COL14A1: variants seen among roughly 807,000 people sequenced by gnomAD.
The protein encoded by COL14A1 is collagen type XIV alpha 1 chain.
Under a neutral mutation model 230.3 loss-of-function variants are expected in COL14A1, and 136 were observed. The observed-to-expected ratio is 0.59, with a 90% CI of 0.51 to 0.68. The LOEUF (loss-of-function observed/expected upper bound fraction) is 0.68. Among genes scored for constraint, COL14A1 ranks in the 30% least tolerant of loss-of-function variants. The pLI is 0.00. For missense variants in COL14A1, 1,976 were observed against 2,215.8 expected (o/e 0.89, Z 2.17); for synonymous variants, 792 against 784.1 (o/e 1.01, Z -0.17).
intron 21 of COL14A1, 52 bp downstream of exon 21, chr8:120,247,787 G>A (rs188283149): frequency 3.2e-6 from 5 of 1,585,086 alleles, no homozygotes; most frequent in Middle Eastern, 1.7e-4. Context: ...CACTTAAAAT[G>A]TCTTTTAAGA....
chr8:120,322,035 G>GTCA (rs1363700913), intron 40 of COL14A1, among the ~76,000 whole-genome samples: 1 of 151,898 alleles, frequency 6.6e-6, no homozygotes, highest in Non-Finnish European at 1.5e-5. Context: ...ATTCACTGAA[G>GTCA]TCATCACTGC....
chr8:120,317,476 G>A (rs1373599256), intron 40 of COL14A1, among the ~76,000 whole-genome samples: 2 of 152,144 alleles, frequency 1.3e-5, no homozygotes, highest in Non-Finnish European at 2.9e-5. Flanking sequence ...GTAACAGTTA[G>A]ATTTATGTAG....
At chr8:120,226,961 A>G (rs1352430581) in intron 16 of COL14A1, among the ~76,000 whole-genome samples, 195 bp downstream of exon 16, 1 of 152,164 alleles carries the variant, frequency 6.6e-6, no homozygotes, top group Non-Finnish European at 1.5e-5. Flanking sequence ...AGCTTTAGTT[A>G]TATATTTATA....
At chr8:120,363,697 G>A (rs1260975263) in intron 45 of COL14A1, among the ~76,000 whole-genome samples, 3 of 152,198 alleles carry the variant, frequency 2.0e-5, no homozygotes, top group African/African-American at 7.2e-5. Context: ...ACTGATGCTA[G>A]AGAGATAAGT....
At chr8:120,360,221 C>T (rs773705304) in intron 45 of COL14A1, among the ~76,000 whole-genome samples, 2 of 152,198 alleles carry the variant, frequency 1.3e-5, no homozygotes, top group Non-Finnish European at 2.9e-5. Flanking sequence ...AATGTATTGC[C>T]TTGTAGCACC....
At chr8:120,200,600 T>G (rs1257469131) in intron 8 of COL14A1, among the ~76,000 whole-genome samples, 1 of 150,896 alleles carries the variant, frequency 6.6e-6, no homozygotes, top group Non-Finnish European at 1.5e-5. Context: ...CCCAGTTCTG[T>G]ACCTTAAAAT....
intron 36 of COL14A1, among the ~76,000 whole-genome samples, chr8:120,303,813 T>A (rs7004345): frequency 0.02 from 3,106 of 152,236 alleles, 113 homozygotes; most frequent in African/African-American, 0.07. Flanking sequence ...AAAAGGAATG[T>A]TACCAGCTCT....
At chr8:120,282,043 C>A (rs1271221810) in intron 31 of COL14A1, among the ~76,000 whole-genome samples, 2 of 152,176 alleles carry the variant, frequency 1.3e-5, no homozygotes, top group African/African-American at 4.8e-5. Flanking sequence ...ATGTGCCATG[C>A]TGGTGCGCTG....
chr8:120,136,959 C>CAAAAAAA (rs34417716), intron 1 of COL14A1, among the ~76,000 whole-genome samples: 1 of 62,910 alleles, frequency 1.6e-5, no homozygotes, highest in African/African-American at 6.9e-5. Flanking sequence ...GAGTCTGTCT[C>CAAAAAAA]AAAAAAAAAA....
At chr8:120,355,318 C>G (rs900490375) in intron 45 of COL14A1, among the ~76,000 whole-genome samples, 5 of 152,028 alleles carry the variant, frequency 3.3e-5, no homozygotes, top group Admixed American at 6.6e-5. Flanking sequence ...TTAAACAAGT[C>G]AACAATAAGT....
intron 45 of COL14A1, among the ~76,000 whole-genome samples, chr8:120,364,830 C>T (rs1219559364): frequency 6.6e-6 from 1 of 151,226 alleles, no homozygotes; most frequent in East Asian, 1.9e-4. Context: ...TTGCAGTGAG[C>T]TGAGATTATG....
At chr8:120,253,035 G>A (rs1819025737) in intron 22 of COL14A1, among the ~76,000 whole-genome samples, 1 of 152,204 alleles carries the variant, frequency 6.6e-6, no homozygotes, top group African/African-American at 2.4e-5. Flanking sequence ...GGCTGTTGAT[G>A]TGACACTGTT....
chr8:120,282,206 T>C (rs1586829537), intron 31 of COL14A1, among the ~76,000 whole-genome samples: 1 of 152,272 alleles, frequency 6.6e-6, no homozygotes, highest in East Asian at 1.9e-4. Context: ...AAATTGGAAA[T>C]CATCATTCTC....
At chr8:120,227,422 T>G (rs1818133075) in intron 17 of COL14A1, 70 bp downstream of exon 17, 2 of 1,571,936 alleles carry the variant, frequency 1.3e-6, no homozygotes, top group East Asian at 2.3e-5. Flanking sequence ...TCAATTTCCT[T>G]CCCCATCTGC....
intron 37 of COL14A1, among the ~76,000 whole-genome samples, chr8:120,310,814 A>C (rs1821010964): frequency 6.6e-6 from 1 of 152,146 alleles, no homozygotes; most frequent in African/African-American, 2.4e-5. Flanking sequence ...CTTTTCAAAA[A>C]CCTGCAGTCA....
intron 5 of COL14A1, among the ~76,000 whole-genome samples, chr8:120,190,751 C>T (rs1479511575): frequency 6.6e-6 from 1 of 152,192 alleles, no homozygotes; most frequent in Non-Finnish European, 1.5e-5. Flanking sequence ...AGAGAGTCAA[C>T]TTCTTCCTGA....
At position 120,315,871 on chromosome 8, in the gene COL14A1, A is replaced by G. The variant is rs1821207229; in HGVS notation, c.4606-73A>G. On this transcript the variant is annotated intron_variant, in intron 39 of 47. Transcript: ENST00000297848. ...TAGGTTTGTTTGGAGGCCTTCATCTATTTCAGGGAAGCTGCGTGAGCAGAT... is the reference window on the plus strand; with the variant it reads ...TAGGTTTGTTTGGAGGCCTTCATCTGTTTCAGGGAAGCTGCGTGAGCAGAT... 4 of 1,506,200 alleles carry G rather than the reference A, an allele frequency of 2.7e-6. No individual in the cohort carries two copies. The South Asian group carries it at 4.6e-5, about 17-fold the overall frequency. The allele number at this position is 1,506,200 out of a possible 1,614,324, so 93.3% of individuals were successfully genotyped here. A position where few individuals can be genotyped will look rare whatever the true frequency, so the allele number is the denominator to read the frequency against.
At chr8:120,237,414 C>T (rs7832647) in intron 19 of COL14A1, among the ~76,000 whole-genome samples, 63,106 of 151,972 alleles carry the variant, frequency 0.42, 13,278 homozygotes, top group Middle Eastern at 0.51. Flanking sequence ...CTATTGATAC[C>T]TGTGTATGCT....
At position 120,250,602 on chromosome 8, in the gene COL14A1, C is replaced by T. The variant is rs1262198691; in HGVS notation, c.2603-15C>T. 3 of 1,613,776 alleles carry T rather than the reference C, an allele frequency of 1.9e-6. No individual in the cohort carries two copies. The highest frequency in any genetic ancestry group is 2.5e-6 in the Non-Finnish European group (3 of 1,179,740). ...TATTTTGTTGTAACTAAAATATATC[C>T]TCTTTCTTCTTTAGTTCCTGGTCCA... On this transcript the variant is annotated splice_polypyrimidine_tract_variant and intron_variant, in intron 21 of 47. Coordinates refer to ENST00000297848, the MANE Select transcript of COL14A1 (RefSeq NM_021110.4).
Sources: gnomAD v4.1 joint callset for allele counts (sites outside exome capture counted in the v4.1 genomes callset) on GRCh38, gnomAD v4.1.1 for gene constraint, MANE v1.5 for transcripts, NCBI Gene and HGNC (gene_info 2026-07-23, HGNC 2026-07-21) for gene names.